Variants in SLC24A3 observed in about 807,000 individuals in gnomAD.
The protein encoded by SLC24A3 is solute carrier family 24 member 3.
Under a neutral mutation model 75.8 loss-of-function variants are expected in SLC24A3, and 28 were observed. The ratio of observed to expected loss-of-function variants is 0.37; its 90% CI spans 0.27 to 0.51. The LOEUF is 0.51. Among genes scored for constraint, SLC24A3 ranks in the 20% least tolerant of loss-of-function variants. The pLI, the probability that SLC24A3 is intolerant of heterozygous loss-of-function variation, is 0.94. For synonymous variants in SLC24A3, 372 were observed against 334.1 expected (o/e 1.11, Z -1.24); for missense variants, 663 against 847.8 (o/e 0.78, Z 2.71).
intron 2 of SLC24A3, among the ~76,000 whole-genome samples, chr20:19,465,971 G>A (rs1444646358): frequency 6.6e-6 from 1 of 152,174 alleles, no homozygotes; most frequent in Non-Finnish European, 1.5e-5. Flanking sequence ...GGGTGAGCCA[G>A]TCCTCTTTAG....
intron 9 of SLC24A3, among the ~76,000 whole-genome samples, chr20:19,675,354 C>T (rs1015347761): frequency 1.6e-4 from 25 of 152,206 alleles, no homozygotes; most frequent in African/African-American, 6.0e-4. Context: ...AGGTGGCAGT[C>T]TGGAACTGAC....
intron 2 of SLC24A3, among the ~76,000 whole-genome samples, chr20:19,477,550 A>T (rs1372985692): frequency 6.6e-6 from 1 of 152,190 alleles, no homozygotes; most frequent in Admixed American, 6.5e-5. Context: ...AAGGAACTCA[A>T]CAGAGAGAGA....
chr20:19,559,986 G>A (rs1286750415), intron 3 of SLC24A3, among the ~76,000 whole-genome samples: 2 of 152,104 alleles, frequency 1.3e-5, no homozygotes, highest in Non-Finnish European at 2.9e-5. Flanking sequence ...CACATGGCAA[G>A]TTTTCAACTA....
intron 6 of SLC24A3, among the ~76,000 whole-genome samples, chr20:19,620,495 G>A (rs182719070): frequency 1.3e-4 from 20 of 152,316 alleles, no homozygotes; most frequent in Non-Finnish European, 2.8e-4. Flanking sequence ...GACCTTGCCA[G>A]ACCCTCAGCA....
intron 1 of SLC24A3, among the ~76,000 whole-genome samples, chr20:19,259,813 AT>A (rs1982927730): frequency 6.6e-6 from 1 of 152,130 alleles, no homozygotes; most frequent in East Asian, 1.9e-4. Context: ...CACCATTAAC[AT>A]TTCACTCTAT....
intron 2 of SLC24A3, among the ~76,000 whole-genome samples, chr20:19,496,113 C>T (rs1191871177): frequency 1.3e-5 from 2 of 152,212 alleles, no homozygotes; most frequent in African/African-American, 2.4e-5. Flanking sequence ...CTCCCTTTGG[C>T]TGGCACAGGG....
At chr20:19,459,151 A>G (rs1987628636) in intron 2 of SLC24A3, among the ~76,000 whole-genome samples, 1 of 152,200 alleles carries the variant, frequency 6.6e-6, no homozygotes, top group South Asian at 2.1e-4. Context: ...GTTGACTTGA[A>G]TTGGTTGAGA....
chr20:19,614,925 A>G (rs1379529309), intron 6 of SLC24A3, among the ~76,000 whole-genome samples: 1 of 152,190 alleles, frequency 6.6e-6, no homozygotes, highest in Non-Finnish European at 1.5e-5. Context: ...GTGTGTGGGT[A>G]TGTGTGCACT....
At chr20:19,247,274 G>C (rs533921841) in intron 1 of SLC24A3, among the ~76,000 whole-genome samples, 5 of 152,254 alleles carry the variant, frequency 3.3e-5, no homozygotes, top group African/African-American at 1.2e-4. Context: ...GGTACAGAAA[G>C]AATTCTGTGT....
chr20:19,379,820 A>G (rs1345698279), intron 2 of SLC24A3, among the ~76,000 whole-genome samples: 4 of 152,166 alleles, frequency 2.6e-5, no homozygotes, highest in Non-Finnish European at 2.9e-5. Flanking sequence ...ATTGAAGGAG[A>G]ATATGATTGT....
chr20:19,569,093 C>A (rs1007323631), intron 3 of SLC24A3, among the ~76,000 whole-genome samples: 3 of 152,132 alleles, frequency 2.0e-5, no homozygotes, highest in Non-Finnish European at 4.4e-5. Context: ...TCAGGGAACC[C>A]TTGTGGGAGG....
intron 2 of SLC24A3, among the ~76,000 whole-genome samples, chr20:19,438,391 C>T (rs779898341): frequency 3.9e-5 from 6 of 152,212 alleles, no homozygotes; most frequent in African/African-American, 9.7e-5. Context: ...GCTCCTGGCC[C>T]ATCACCTGCT....
intron 2 of SLC24A3, among the ~76,000 whole-genome samples, chr20:19,354,588 A>ATG (rs569362767): frequency 0.023 from 3,186 of 136,258 alleles, 40 homozygotes; most frequent in Non-Finnish European, 0.033. Flanking sequence ...AAATTTGTGT[A>ATG]TGTGTGTGTG....
intron 1 of SLC24A3, among the ~76,000 whole-genome samples, chr20:19,228,399 G>A (rs113283086): frequency 0.011 from 1,723 of 152,244 alleles, 32 homozygotes; most frequent in African/African-American, 0.04. Context: ...CAGCACTTTC[G>A]GAGGCTGAGG....
intron 6 of SLC24A3, among the ~76,000 whole-genome samples, chr20:19,600,691 T>C (rs1304570532): frequency 6.6e-6 from 1 of 152,184 alleles, no homozygotes; most frequent in Non-Finnish European, 1.5e-5. Flanking sequence ...TGAGTTCTTG[T>C]CCTGTCACCC....
At chr20:19,522,559 T>G (rs771602006) in intron 3 of SLC24A3, among the ~76,000 whole-genome samples, 1 of 152,202 alleles carries the variant, frequency 6.6e-6, no homozygotes, top group Non-Finnish European at 1.5e-5. Context: ...CCGTCAGTGT[T>G]AAGGTTTTTG....
rs112441852 is a variant in SLC24A3 at position 19,696,639 on chromosome 20, A to G, written c.1492-158A>G. ...ACCTGCAGCCCCGGTCGGCATCCAC[A>G]TAGTGTTTGTCACCCTCTGTATTGA... On this transcript the variant is annotated intron_variant, in intron 13 of 16. Coordinates refer to ENST00000328041, the MANE Select transcript of SLC24A3 (RefSeq NM_020689.4). 880 of 531,410 alleles carry G rather than the reference A, an allele frequency of 1.7e-3. 7 individuals are homozygous for G. Among genetic ancestry groups the G allele is most frequent in the African/African-American group, 0.014 (743 of 53,260 alleles). The allele number at this position is 531,410 out of a possible 1,614,324, so 32.9% of individuals were successfully genotyped here.
chr20:19,642,223 G>A (rs188714698), intron 6 of SLC24A3, among the ~76,000 whole-genome samples: 2 of 152,182 alleles, frequency 1.3e-5, no homozygotes, highest in Non-Finnish European at 2.9e-5. Context: ...CATTCAGAGG[G>A]GTCTGTTCTT....
At chr20:19,635,401 G>A (rs556909718) in intron 6 of SLC24A3, among the ~76,000 whole-genome samples, 1 of 152,302 alleles carries the variant, frequency 6.6e-6, no homozygotes, top group East Asian at 1.9e-4. Flanking sequence ...CAGAAAATTT[G>A]GTGTGTGAGT....
Sources: allele counts gnomAD v4.1 joint callset (sites outside exome capture counted in the v4.1 genomes callset), GRCh38; gene constraint gnomAD v4.1.1; transcripts MANE v1.5; gene names NCBI Gene and HGNC (gene_info 2026-07-23, HGNC 2026-07-21).